ADCY2: variants seen among roughly 807,000 people sequenced by gnomAD.
The protein encoded by ADCY2 is adenylate cyclase 2.
In ADCY2, 31 loss-of-function variants were observed where a neutral mutation model predicts 125.2. The observed-to-expected ratio is 0.25, with a 90% CI of 0.19 to 0.33. The LOEUF (loss-of-function observed/expected upper bound fraction) is 0.33, where lower values mean the gene tolerates loss of function less well. ADCY2 is among the 10% of genes least tolerant of loss of function. The pLI, the probability that ADCY2 is intolerant of heterozygous loss-of-function variation, is 1.00. For synonymous variants in ADCY2, 512 were observed against 548.4 expected (o/e 0.93, Z 0.93); for missense variants, 904 against 1,418.2 (o/e 0.64, Z 5.82).
chr5:7,502,942 A>G (rs968424651), intron 2 of ADCY2, among the ~76,000 whole-genome samples: 8 of 152,164 alleles, frequency 5.3e-5, no homozygotes, highest in Non-Finnish European at 1.0e-4. Flanking sequence ...TTGATATGAT[A>G]AAACTGTTGT....
At chr5:7,651,122 ATTC>A (rs1739071958) in intron 4 of ADCY2, among the ~76,000 whole-genome samples, 1 of 152,172 alleles carries the variant, frequency 6.6e-6, no homozygotes. Flanking sequence ...GCATCAAAGC[ATTC>A]TTCTTTAAAA....
intron 2 of ADCY2, among the ~76,000 whole-genome samples, chr5:7,439,963 G>A (rs1740950142): frequency 6.6e-6 from 1 of 152,154 alleles, no homozygotes; most frequent in African/African-American, 2.4e-5. Flanking sequence ...TGTTTTAAAA[G>A]TAAACCTGCG....
chr5:7,761,655 C>T (rs992198362), intron 16 of ADCY2, among the ~76,000 whole-genome samples: 1 of 151,986 alleles, frequency 6.6e-6, no homozygotes, highest in Non-Finnish European at 1.5e-5. Context: ...GATTTCTTTT[C>T]GTAACATCTA....
chr5:7,486,792 C>T (rs372413739), intron 2 of ADCY2, among the ~76,000 whole-genome samples: 7 of 152,264 alleles, frequency 4.6e-5, no homozygotes, highest in African/African-American at 1.4e-4. Context: ...AAAATGAGAT[C>T]GATCAGAAGT....
chr5:7,483,103 A>G (rs562722587), intron 2 of ADCY2, among the ~76,000 whole-genome samples: 2 of 152,220 alleles, frequency 1.3e-5, no homozygotes, highest in East Asian at 3.9e-4. Context: ...GCCCAGTAAC[A>G]CAGTAGCGTT....
At chr5:7,804,923 G>T (rs867787411) in intron 22 of ADCY2, among the ~76,000 whole-genome samples, 1 of 152,148 alleles carries the variant, frequency 6.6e-6, no homozygotes, top group African/African-American at 2.4e-5. Context: ...CCAATCAGTA[G>T]CTGCTTGTTA....
chr5:7,608,334 C>T (rs1270787382), intron 3 of ADCY2, among the ~76,000 whole-genome samples: 2 of 152,138 alleles, frequency 1.3e-5, no homozygotes, highest in Non-Finnish European at 2.9e-5. Context: ...GTAATCCCAG[C>T]ACTTTGGGAG....
At chr5:7,461,428 G>A (rs16878667) in intron 2 of ADCY2, among the ~76,000 whole-genome samples, 7,731 of 152,276 alleles carry the variant, frequency 0.051, 216 homozygotes, top group African/African-American at 0.078. Flanking sequence ...ATTGTGATAT[G>A]CATCAAATCC....
intron 4 of ADCY2, among the ~76,000 whole-genome samples, chr5:7,661,927 A>G (rs911040236): frequency 2.0e-5 from 3 of 152,224 alleles, no homozygotes; most frequent in Non-Finnish European, 4.4e-5. Flanking sequence ...CATGCTTTTC[A>G]CAGATGATAT....
intron 13 of ADCY2, 146 bp from the exon 14 acceptor site, chr5:7,727,018 A>C (rs1267203472): frequency 1.7e-6 from 1 of 605,574 alleles, no homozygotes; most frequent in African/African-American, 1.9e-5. Flanking sequence ...GCTGAGATGA[A>C]CAGGCTTTCT....
intron 12 of ADCY2, among the ~76,000 whole-genome samples, chr5:7,721,851 A>G (rs1349551920): frequency 1.3e-5 from 2 of 152,122 alleles, no homozygotes; most frequent in Non-Finnish European, 2.9e-5. Context: ...CACATTTTTA[A>G]AAGATATATT....
chr5:7,756,269 G>A (rs549808533), intron 15 of ADCY2, among the ~76,000 whole-genome samples: 1 of 152,318 alleles, frequency 6.6e-6, no homozygotes, highest in South Asian at 2.1e-4. Context: ...TGGAAAGGTG[G>A]CCCTCAAGAT....
chr5:7,400,815 G>A (rs560746467), intron 1 of ADCY2, among the ~76,000 whole-genome samples: 2 of 152,272 alleles, frequency 1.3e-5, no homozygotes, highest in African/African-American at 2.4e-5. Context: ...TCTCTAAGTC[G>A]TTTTAGTTAT....
At chr5:7,613,422 G>C (rs1040871171) in intron 3 of ADCY2, among the ~76,000 whole-genome samples, 2 of 152,176 alleles carry the variant, frequency 1.3e-5, no homozygotes, top group Non-Finnish European at 2.9e-5. Flanking sequence ...CATTAGGGGA[G>C]ACCCCAAAAG....
intron 2 of ADCY2, among the ~76,000 whole-genome samples, chr5:7,489,428 C>T (rs556123462): frequency 3.3e-5 from 5 of 152,282 alleles, no homozygotes; most frequent in Admixed American, 6.5e-5. Context: ...TCTTGTTCCT[C>T]ATCTCTTGGC....
At chr5:7,706,030 G>A (rs1225244692) in intron 7 of ADCY2, among the ~76,000 whole-genome samples, 1 of 152,168 alleles carries the variant, frequency 6.6e-6, no homozygotes, top group Non-Finnish European at 1.5e-5. Flanking sequence ...TTCTTTCGAT[G>A]TAACTAGGAA....
chr5:7,499,770 A>T (rs1743497055), intron 2 of ADCY2, among the ~76,000 whole-genome samples: 1 of 149,568 alleles, frequency 6.7e-6, no homozygotes, highest in Non-Finnish European at 1.5e-5. Flanking sequence ...CTAGCTACAA[A>T]TAAGTATAAT....
At chr5:7,644,206 T>A (rs1477002519) in intron 4 of ADCY2, among the ~76,000 whole-genome samples, 1 of 152,144 alleles carries the variant, frequency 6.6e-6, no homozygotes, top group African/African-American at 2.4e-5. Flanking sequence ...AACTTTGCTG[T>A]TGAACTGCCA....
chr5:7,528,637 G>A (rs1396691589), intron 3 of ADCY2, among the ~76,000 whole-genome samples: 1 of 152,152 alleles, frequency 6.6e-6, no homozygotes, highest in Non-Finnish European at 1.5e-5. Context: ...TCTGTACCCT[G>A]TATTCTGTTT....
Sources: gnomAD v4.1 joint callset for allele counts (sites outside exome capture counted in the v4.1 genomes callset) on GRCh38, gnomAD v4.1.1 for gene constraint, MANE v1.5 for transcripts, NCBI Gene and HGNC (gene_info 2026-07-23, HGNC 2026-07-21) for gene names.